EYA1: variants seen among roughly 807,000 people sequenced by gnomAD.
EYA1 encodes protein phosphatase EYA1.
EYA1 carries 16 observed loss-of-function variants against 82.0 expected under a neutral mutation model. That is an observed-to-expected ratio of 0.20 (90% CI 0.13 to 0.30). The LOEUF is 0.30. EYA1 is among the 10% of genes least tolerant of loss of function. The pLI, the probability that EYA1 is intolerant of heterozygous loss-of-function variation, is 1.00. For missense variants in EYA1, 633 were observed against 730.7 expected (o/e 0.87, Z 1.54); for synonymous variants, 261 against 264.4 (o/e 0.99, Z 0.12).
At chr8:71,328,801 T>G (rs12234977) in intron 4 of EYA1, among the ~76,000 whole-genome samples, 15,666 of 152,180 alleles carry the variant, frequency 0.1, 1,443 homozygotes, top group East Asian at 0.42. Context: ...ATACATCCAC[T>G]GCTTTTCTCA....
intron 11 of EYA1, among the ~76,000 whole-genome samples, chr8:71,251,508 AAAGTG>A (rs765543692): frequency 6.6e-6 from 1 of 152,210 alleles, no homozygotes; most frequent in South Asian, 2.1e-4. Flanking sequence ...TAAAGTCACT[AAAGTG>A]AAGTGAAGGA....
chr8:71,405,962 C>T (rs1830196183), intron 2 of EYA1, among the ~76,000 whole-genome samples: 1 of 152,140 alleles, frequency 6.6e-6, no homozygotes, highest in African/African-American at 2.4e-5. Context: ...ATATAGATGA[C>T]AGAGAAACAG....
chr8:71,399,346 G>A (rs535844803), intron 2 of EYA1, among the ~76,000 whole-genome samples: 171 of 152,234 alleles, frequency 1.1e-3, no homozygotes, highest in African/African-American at 3.7e-3. Context: ...GAAATCACCC[G>A]TCTTCTGCAT....
At chr8:71,488,428 A>G (rs979037017) in intron 2 of EYA1, among the ~76,000 whole-genome samples, 1 of 152,360 alleles carries the variant, frequency 6.6e-6, no homozygotes, top group Non-Finnish European at 1.5e-5. Context: ...ACAACTGCTA[A>G]ACATAGAACA....
chr8:71,220,415 T>C (rs1412302742), intron 12 of EYA1, among the ~76,000 whole-genome samples: 1 of 152,162 alleles, frequency 6.6e-6, no homozygotes, highest in African/African-American at 2.4e-5. Flanking sequence ...AGGGGATCCC[T>C]GCTGTGTTTG....
intron 3 of EYA1, among the ~76,000 whole-genome samples, chr8:71,344,283 G>A (rs1347640169): frequency 6.6e-6 from 1 of 152,034 alleles, no homozygotes; most frequent in Non-Finnish European, 1.5e-5. Context: ...ACAACAGTAT[G>A]AAAAGATTGT....
At chr8:71,447,720 T>C (rs1807002083) in intron 2 of EYA1, among the ~76,000 whole-genome samples, 1 of 152,236 alleles carries the variant, frequency 6.6e-6, no homozygotes, top group Non-Finnish European at 1.5e-5. Context: ...CACTGTAGTC[T>C]ATTAAGTTTG....
intron 1 of EYA1, among the ~76,000 whole-genome samples, chr8:71,543,165 G>C (rs920087124): frequency 5.3e-5 from 8 of 152,080 alleles, no homozygotes; most frequent in Non-Finnish European, 1.0e-4. Flanking sequence ...GGTTTTTATA[G>C]TTTTGGGTTT....
chr8:71,360,435 A>G (rs865853896), intron 1 of EYA1, among the ~76,000 whole-genome samples: 3 of 152,216 alleles, frequency 2.0e-5, no homozygotes, highest in African/African-American at 7.2e-5. Flanking sequence ...TATCATGTCT[A>G]TGAAACTCAC....
chr8:71,319,376 C>T (rs567224187), intron 6 of EYA1, among the ~76,000 whole-genome samples: 149 of 152,130 alleles, frequency 9.8e-4, no homozygotes, highest in African/African-American at 2.9e-3. Context: ...ATGATCCGCC[C>T]GCCTCAGCCT....
chr8:71,431,402 A>G (rs773208679), intron 2 of EYA1, among the ~76,000 whole-genome samples: 1 of 152,160 alleles, frequency 6.6e-6, no homozygotes, highest in Non-Finnish European at 1.5e-5. Context: ...TGGGCCCACA[A>G]GCCTGGACTA....
At chr8:71,351,124 T>C (rs1826267189) in intron 3 of EYA1, among the ~76,000 whole-genome samples, 1 of 152,004 alleles carries the variant, frequency 6.6e-6, no homozygotes, top group Non-Finnish European at 1.5e-5. Context: ...TGGAATAGAA[T>C]TTCTATTCCA....
At chr8:71,440,675 T>C (rs182873792) in intron 2 of EYA1, among the ~76,000 whole-genome samples, 176 of 152,308 alleles carry the variant, frequency 1.2e-3, no homozygotes, top group African/African-American at 4.2e-3. Flanking sequence ...GGATATGAAC[T>C]TGGAGCCCAT....
At position 71,410,776 on chromosome 8, in the gene EYA1, A is replaced by C. The variant is rs1220781600; in HGVS notation, c.34-54265T>G. Among the ~76,000 whole-genome samples, 5 of 150,758 alleles carry C rather than the reference A, an allele frequency of 3.3e-5. No homozygotes were observed. The South Asian group carries it at 1.1e-3, about 32-fold the overall frequency. ...CATTCCATGCTCATGGGGAGGAAGA[A>C]TCAATATCGTGAAAATGGCCATACT... On this transcript the variant is annotated intron_variant, in intron 2 of 18. Coordinates refer to the EYA1 transcript ENST00000643681.
chr8:71,439,749 A>G (rs1186319653), intron 2 of EYA1, among the ~76,000 whole-genome samples: 3 of 152,166 alleles, frequency 2.0e-5, no homozygotes, highest in African/African-American at 4.8e-5. Flanking sequence ...TTCACCAAGC[A>G]CCTACAGGTA....
intron 2 of EYA1, chr8:71,470,952 A>G: frequency 4.5e-6 from 2 of 440,224 alleles, no homozygotes; most frequent in Admixed American, 2.6e-5. Context: ...AAAAGGAAAA[A>G]GGGGAGAAAA....
chr8:71,537,595 G>A (rs923554421), intron 1 of EYA1, among the ~76,000 whole-genome samples: 2 of 152,172 alleles, frequency 1.3e-5, no homozygotes, highest in Admixed American at 1.3e-4. Flanking sequence ...ATTGCCCACA[G>A]TGTACCTATA....
At chr8:71,262,765 A>T (rs72654134) in intron 11 of EYA1, among the ~76,000 whole-genome samples, 1 of 152,200 alleles carries the variant, frequency 6.6e-6, no homozygotes. Flanking sequence ...AAAGAGAGAA[A>T]CCTTCAAGAT....
intron 2 of EYA1, among the ~76,000 whole-genome samples, chr8:71,395,851 G>T (rs1387564900): frequency 6.6e-6 from 1 of 152,118 alleles, no homozygotes; most frequent in African/African-American, 2.4e-5. Flanking sequence ...GATTGGAACA[G>T]TTTCAGAAGG....
Sources: allele counts gnomAD v4.1 joint callset (sites outside exome capture counted in the v4.1 genomes callset), GRCh38; gene constraint gnomAD v4.1.1; transcripts MANE v1.5; gene names NCBI Gene and HGNC (gene_info 2026-07-23, HGNC 2026-07-21).